CNTNAP2: variants seen among roughly 807,000 people sequenced by gnomAD.
The protein encoded by CNTNAP2 is contactin associated protein 2.
Under a neutral mutation model 155.2 loss-of-function variants are expected in CNTNAP2, and 98 were observed. The ratio of observed to expected loss-of-function variants is 0.63; its 90% CI spans 0.54 to 0.75. The LOEUF (loss-of-function observed/expected upper bound fraction) is 0.75. Among genes scored for constraint, CNTNAP2 ranks in the 30% least tolerant of loss-of-function variants. The pLI is 0.00. For synonymous variants in CNTNAP2, 651 were observed against 631.2 expected (o/e 1.03, Z -0.47); for missense variants, 1,727 against 1,688.1 (o/e 1.02, Z -0.40).
chr7:147,669,552 G>A (rs899860254), intron 13 of CNTNAP2, among the ~76,000 whole-genome samples: 1 of 152,150 alleles, frequency 6.6e-6, no homozygotes, highest in Non-Finnish European at 1.5e-5. Flanking sequence ...TACCCAAGCT[G>A]GATGTGGGAA....
intron 12 of CNTNAP2, among the ~76,000 whole-genome samples, chr7:147,603,098 A>C (rs1403746015): frequency 1.3e-5 from 2 of 151,498 alleles, no homozygotes; most frequent in African/African-American, 2.4e-5. Context: ...TTACAGTCCC[A>C]CCAACAGTGT....
chr7:147,676,890 G>A (rs938696169), intron 13 of CNTNAP2, among the ~76,000 whole-genome samples: 1 of 151,794 alleles, frequency 6.6e-6, no homozygotes, highest in African/African-American at 2.4e-5. Context: ...TATACATACA[G>A]CATTTTCTTT....
intron 3 of CNTNAP2, among the ~76,000 whole-genome samples, chr7:147,019,996 G>A (rs1253379201): frequency 1.7e-5 from 1 of 60,076 alleles, no homozygotes; most frequent in Non-Finnish European, 3.8e-5. Flanking sequence ...TATAGATATA[G>A]TATGGTATGG....
Position 148,377,096 on chromosome 7 carries a change from C to T in CNTNAP2, c.3476-6553C>T, listed in dbSNP as rs1276913153. On this transcript the variant is annotated intron_variant, in intron 21 of 23. Coordinates refer to ENST00000361727, the MANE Select transcript of CNTNAP2 (RefSeq NM_014141.6). Reference sequence around the variant, plus strand: ...GCCAAATGGGACTAGAATGGAAAAACGGAATCCTACCCGATCAATGCAAAT... The same window carrying T: ...GCCAAATGGGACTAGAATGGAAAAATGGAATCCTACCCGATCAATGCAAAT... Among the ~76,000 whole-genome samples the T allele has an allele frequency of 3.0e-5, 2 of 67,490 alleles. 1 individual carries two copies. The highest frequency in any genetic ancestry group is 7.3e-5 in the African/African-American group (2 of 27,536). 44.3% of individuals were successfully genotyped at this position (67,490 alleles called of 152,430 possible). A position where few individuals can be genotyped will look rare whatever the true frequency, so the allele number is the denominator to read the frequency against.
At chr7:147,915,960 A>G (rs973733947) in intron 14 of CNTNAP2, among the ~76,000 whole-genome samples, 48 of 152,160 alleles carry the variant, frequency 3.2e-4, no homozygotes, top group Admixed American at 2.8e-3. Flanking sequence ...GGAGATTCCT[A>G]GAGCGTCTAA....
intron 15 of CNTNAP2, among the ~76,000 whole-genome samples, chr7:148,048,280 C>T (rs960759288): frequency 1.3e-5 from 2 of 152,098 alleles, no homozygotes; most frequent in East Asian, 3.9e-4. Context: ...ACTCGAGAAC[C>T]ACATCACTGT....
intron 12 of CNTNAP2, among the ~76,000 whole-genome samples, chr7:147,588,880 C>T (rs530925160): frequency 5.9e-5 from 9 of 152,136 alleles, no homozygotes; most frequent in Non-Finnish European, 1.3e-4. Flanking sequence ...TACCTTAAGG[C>T]TTCTTTAATT....
chr7:148,225,550 A>T (rs1288165098), intron 19 of CNTNAP2, among the ~76,000 whole-genome samples: 1 of 152,096 alleles, frequency 6.6e-6, no homozygotes. Flanking sequence ...CCATTGCAAG[A>T]AGTTTGATTT....
At chr7:147,562,016 C>A in intron 11 of CNTNAP2, 122 bp from the exon 12 acceptor site, 1 of 1,308,686 alleles carries the variant, frequency 7.6e-7, no homozygotes, top group Non-Finnish European at 1.1e-6. Flanking sequence ...AAAGAACGCT[C>A]TTTCCAGGAA....
intron 10 of CNTNAP2, among the ~76,000 whole-genome samples, chr7:147,428,866 G>A (rs1207415940): frequency 2.0e-5 from 3 of 152,030 alleles, no homozygotes; most frequent in Admixed American, 6.6e-5. Flanking sequence ...TGACATTTAT[G>A]TGCACCTATC....
chr7:146,222,104 A>ACC (rs967317488), intron 1 of CNTNAP2, among the ~76,000 whole-genome samples: 3 of 152,194 alleles, frequency 2.0e-5, no homozygotes, highest in African/African-American at 7.2e-5. Context: ...CCTTTGAAAT[A>ACC]CCCATTTTTT....
chr7:147,442,634 G>C (rs929314651), intron 10 of CNTNAP2, among the ~76,000 whole-genome samples: 2 of 152,168 alleles, frequency 1.3e-5, no homozygotes, highest in Non-Finnish European at 2.9e-5. Flanking sequence ...AAGCCAGCAA[G>C]TGTGAATCTC....
chr7:148,006,791 T>C (rs1253084531), intron 15 of CNTNAP2, among the ~76,000 whole-genome samples: 3 of 152,154 alleles, frequency 2.0e-5, no homozygotes, highest in African/African-American at 7.2e-5. Flanking sequence ...AATCTCTAAA[T>C]CATATTCCGT....
At chr7:147,937,091 C>T (rs1361365859) in intron 14 of CNTNAP2, among the ~76,000 whole-genome samples, 1 of 150,602 alleles carries the variant, frequency 6.6e-6, no homozygotes, top group Non-Finnish European at 1.5e-5. Flanking sequence ...CCTGATGGTG[C>T]TCCGGGACTT....
intron 13 of CNTNAP2, among the ~76,000 whole-genome samples, chr7:147,679,997 C>T (rs75570712): frequency 6.6e-6 from 1 of 151,466 alleles, no homozygotes; most frequent in Non-Finnish European, 1.5e-5. Context: ...CCACTGGTTA[C>T]AGATTCCAAA....
At chr7:146,263,744 G>A (rs1799954946) in intron 1 of CNTNAP2, among the ~76,000 whole-genome samples, 1 of 152,138 alleles carries the variant, frequency 6.6e-6, no homozygotes, top group African/African-American at 2.4e-5. Flanking sequence ...AATAATATTT[G>A]TAAAGCCAAT....
intron 11 of CNTNAP2, among the ~76,000 whole-genome samples, chr7:147,530,535 A>C (rs112878800): frequency 2.2e-4 from 34 of 152,268 alleles, no homozygotes; most frequent in African/African-American, 7.5e-4. Flanking sequence ...CAAAAGCAGA[A>C]ACCCCTAATA....
intron 13 of CNTNAP2, among the ~76,000 whole-genome samples, chr7:147,743,491 C>T (rs979103916): frequency 1.3e-5 from 2 of 152,068 alleles, no homozygotes; most frequent in African/African-American, 4.8e-5. Flanking sequence ...TCCTTATCTT[C>T]CCAATTAATG....
At chr7:147,518,622 A>G (rs773903289) in intron 11 of CNTNAP2, among the ~76,000 whole-genome samples, 1 of 152,236 alleles carries the variant, frequency 6.6e-6, no homozygotes, top group Non-Finnish European at 1.5e-5. Flanking sequence ...GATTTCAGAA[A>G]CACTGAAATA....
Sources: allele counts gnomAD v4.1 joint callset (sites outside exome capture counted in the v4.1 genomes callset), GRCh38; gene constraint gnomAD v4.1.1; transcripts MANE v1.5; gene names NCBI Gene and HGNC (gene_info 2026-07-23, HGNC 2026-07-21).